The following SHANK2 variants were observed in gnomAD, a reference collection of about 807,000 sequenced individuals.
SHANK2 encodes SH3 and multiple ankyrin repeat domains 2.
SHANK2 carries 43 observed loss-of-function variants against 133.7 expected under a neutral mutation model. The ratio of observed to expected loss-of-function variants is 0.32; its 90% confidence interval spans 0.25 to 0.41. The LOEUF (loss-of-function observed/expected upper bound fraction) is 0.41. Ranked by LOEUF, SHANK2 falls within the 10% of genes least tolerant of loss-of-function variation. The pLI is 1.00. For synonymous variants in SHANK2, 1,017 were observed against 952.8 expected (o/e 1.07, Z -1.24); for missense variants, 1,994 against 2,235.8 (o/e 0.89, Z 2.18).
intron 10 of SHANK2, among the ~76,000 whole-genome samples, chr11:70,933,498 A>G (rs782572693): frequency 1.3e-5 from 2 of 152,266 alleles, no homozygotes; most frequent in Non-Finnish European, 2.9e-5. Context: ...AGAAATGATC[A>G]AAATTGATAA....
At chr11:70,625,982 G>T (rs1387881334) in intron 17 of SHANK2, among the ~76,000 whole-genome samples, 4 of 152,052 alleles carry the variant, frequency 2.6e-5, no homozygotes, top group African/African-American at 9.7e-5. Context: ...CTCCCGCTCG[G>T]AGGGCTGAGG....
intron 1 of SHANK2, among the ~76,000 whole-genome samples, chr11:71,235,847 G>A (rs1369353759): frequency 2.0e-5 from 3 of 152,154 alleles, no homozygotes; most frequent in African/African-American, 7.2e-5. Context: ...TGGCTGCCGT[G>A]ACGATGGGCA....
At chr11:70,588,228 A>G (rs1373793552) in intron 17 of SHANK2, among the ~76,000 whole-genome samples, 1 of 152,220 alleles carries the variant, frequency 6.6e-6, no homozygotes, top group East Asian at 1.9e-4. Flanking sequence ...GGGAATAAAA[A>G]AAGAAATAAG....
At chr11:71,167,382 C>T (rs1555111137) in intron 2 of SHANK2, among the ~76,000 whole-genome samples, 17 of 147,824 alleles carry the variant, frequency 1.2e-4, no homozygotes, top group East Asian at 4.1e-4. Flanking sequence ...CGCCCCTCAC[C>T]TCCCGGACAG....
intron 2 of SHANK2, among the ~76,000 whole-genome samples, chr11:71,199,143 C>T (rs1043053109): frequency 1.3e-5 from 2 of 152,198 alleles, no homozygotes; most frequent in Non-Finnish European, 1.5e-5. Context: ...ACTTCCCTTA[C>T]TCACAGGAAC....
intron 14 of SHANK2, among the ~76,000 whole-genome samples, chr11:70,727,484 G>A (rs1946200945): frequency 6.6e-6 from 1 of 152,212 alleles, no homozygotes; most frequent in Admixed American, 6.5e-5. Flanking sequence ...GTTCCCTGAT[G>A]TAAGAGGCAC....
rs782666426 is a variant in SHANK2, at chr11:70,492,407, A to T, written c.2367T>A (p.Ala789=). The part of the protein sequence containing the change: ...SKPSRAAENM[A]VEPRVATIKQ... Reference sequence around the variant, plus strand: ...TGATGGTCGCCACCCTCGGTTCCACAGCCATGTTCTCAGCAGCGCGGGAGG... The same window carrying T: ...TGATGGTCGCCACCCTCGGTTCCACTGCCATGTTCTCAGCAGCGCGGGAGG... Residue 789 remains alanine (A), a synonymous_variant, in exon 22 of 26, where the codon GCT becomes GCA. Coordinates refer to ENST00000601538, the MANE Select transcript of SHANK2 (RefSeq NM_012309.5). 2 of 1,613,858 alleles carry T rather than the reference A, an allele frequency of 1.2e-6. No homozygotes were observed. Among genetic ancestry groups the T allele is most frequent in the Non-Finnish European group, 8.5e-7 (1 of 1,180,032 alleles).
At chr11:71,098,808 G>A (rs1951670103) in intron 6 of SHANK2, among the ~76,000 whole-genome samples, 1 of 152,082 alleles carries the variant, frequency 6.6e-6, no homozygotes, top group South Asian at 2.1e-4. Context: ...TGTCCTCAGG[G>A]GGTGATGCGT....
At chr11:71,111,842 T>TA (rs1228777310) in intron 5 of SHANK2, among the ~76,000 whole-genome samples, 1 of 152,114 alleles carries the variant, frequency 6.6e-6, no homozygotes. Flanking sequence ...CAGAGGGTGA[T>TA]AAAAAACAAA....
In SHANK2 at chr11:70,830,152, A is replaced by T. The variant is rs544765644; in HGVS notation, c.1175-9470T>A. Among the ~76,000 whole-genome samples, 1 of 152,274 alleles carries T rather than the reference A, an allele frequency of 6.6e-6. No homozygotes were observed. Among genetic ancestry groups the T allele is most frequent in the South Asian group, 2.1e-4 (1 of 4,816 alleles). On this transcript the variant is annotated intron_variant, in intron 11 of 25. Transcript: ENST00000601538. The surrounding 1 kb of genome is among the most constrained non-coding windows in gnomAD (Gnocchi z 4.4). ...AAACGCAAACCTTTGTGCAGCCTCCAGGGCAGTTTTCATCTGGTGTCCCCA... is the reference window on the plus strand; with the variant it reads ...AAACGCAAACCTTTGTGCAGCCTCCTGGGCAGTTTTCATCTGGTGTCCCCA...
intron 11 of SHANK2, among the ~76,000 whole-genome samples, chr11:70,878,688 G>A (rs533185099): frequency 2.6e-5 from 4 of 152,270 alleles, no homozygotes; most frequent in Admixed American, 2.0e-4. Context: ...CTTGATAAAT[G>A]AGTCCATGAG....
intron 14 of SHANK2, among the ~76,000 whole-genome samples, chr11:70,785,510 C>T (rs2135140175): frequency 6.6e-6 from 1 of 152,354 alleles, no homozygotes; most frequent in East Asian, 1.9e-4. Flanking sequence ...CAAGCTCCAT[C>T]ACCCGCTCAG....
At chr11:70,538,300 C>T (rs1448441788) in intron 17 of SHANK2, among the ~76,000 whole-genome samples, 2 of 152,238 alleles carry the variant, frequency 1.3e-5, no homozygotes, top group African/African-American at 2.4e-5. Context: ...CAGAATTAGC[C>T]GACAGTGACC....
intron 14 of SHANK2, among the ~76,000 whole-genome samples, chr11:70,718,209 G>A (rs551817839): frequency 6.6e-6 from 1 of 152,338 alleles, no homozygotes; most frequent in South Asian, 2.1e-4. Flanking sequence ...CTTAGAGGCG[G>A]CAGCTGTCCT....
intron 11 of SHANK2, chr11:70,864,644 C>T (rs1359934324): frequency 6.6e-6 from 1 of 152,210 alleles, no homozygotes; most frequent in Non-Finnish European, 1.5e-5. Flanking sequence ...TAACTCCCAA[C>T]GTGATGGTTT....
chr11:70,679,686 C>T (rs570820345), intron 15 of SHANK2, among the ~76,000 whole-genome samples: 40 of 152,374 alleles, frequency 2.6e-4, no homozygotes, highest in Admixed American at 5.2e-4. Flanking sequence ...GCTGACTATA[C>T]GCCCCAGGGC....
At chr11:71,241,583 C>G (rs568785288) in intron 1 of SHANK2, among the ~76,000 whole-genome samples, 9 of 152,368 alleles carry the variant, frequency 5.9e-5, no homozygotes, top group African/African-American at 1.9e-4. Flanking sequence ...CACTCTCCCC[C>G]CTGCTACTGT....
At chr11:70,719,333 A>G (rs1207229) in intron 14 of SHANK2, among the ~76,000 whole-genome samples, 75,041 of 152,194 alleles carry the variant, frequency 0.49, 21,049 homozygotes, top group African/African-American at 0.78. Flanking sequence ...ACTTGGGGCT[A>G]GAACCCAGCG....
intron 6 of SHANK2, among the ~76,000 whole-genome samples, chr11:71,096,487 G>A (rs189587099): frequency 6.6e-6 from 1 of 152,246 alleles, no homozygotes; most frequent in East Asian, 1.9e-4. Context: ...CTCTTCCCTG[G>A]TGGCATCCAG....
Sources: gnomAD v4.1 joint callset for allele counts (sites outside exome capture counted in the v4.1 genomes callset) on GRCh38, gnomAD v4.1.1 for gene constraint, Gnocchi (gnomAD v3.1) non-coding constraint, MANE v1.5 for transcripts, NCBI Gene and HGNC (gene_info 2026-07-23, HGNC 2026-07-21) for gene names.